Variants in PADI6 observed in about 807,000 individuals in gnomAD.
The protein encoded by PADI6 is peptidyl arginine deiminase 6.
Under a neutral mutation model 78.2 loss-of-function variants are expected in PADI6, and 66 were observed. That is an observed-to-expected ratio of 0.84 (90% CI 0.69 to 1.04). PADI6 has a LOEUF of 1.04. Among genes scored for constraint, PADI6 ranks in the 50% least tolerant of loss-of-function variants. PADI6 has a pLI of 0.00. For missense variants in PADI6, 854 were observed against 866.1 expected (o/e 0.99, Z 0.18); for synonymous variants, 397 against 346.9 (o/e 1.14, Z -1.60).
rs1224660551 is a variant in PADI6 at position 17,395,456 on chromosome 1, G to A, written c.1495-84G>A. On this transcript the variant is annotated intron_variant, in intron 12 of 15. Coordinates refer to ENST00000619609, the MANE Select transcript of PADI6 (RefSeq NM_207421.4). ...TGACCTCAGAGGATCTGCCTGCCTCGGCCTCCAAAGTGCTGGGATTACAGA... is the reference window on the plus strand; with the variant it reads ...TGACCTCAGAGGATCTGCCTGCCTCAGCCTCCAAAGTGCTGGGATTACAGA... The A allele has an allele frequency of 2.2e-5, 33 of 1,484,020 alleles. No homozygotes were observed. In the Admixed American group the frequency reaches 4.9e-4, roughly 22 times the overall value. The allele number at this position is 1,484,020 out of a possible 1,614,324, so 91.9% of individuals were successfully genotyped here. A position where few individuals can be genotyped will look rare whatever the true frequency, so the allele number is the denominator to read the frequency against.
At chr1:17,387,464 G>T (rs868651982) in intron 6 of PADI6, among the ~76,000 whole-genome samples, 3 of 151,406 alleles carry the variant, frequency 2.0e-5, no homozygotes, top group Admixed American at 2.0e-4. Context: ...AAGGAGGGGG[G>T]GGGGCCAGGC....
At chr1:17,376,678 G>A (rs567310091) in intron 3 of PADI6, among the ~76,000 whole-genome samples, 8 of 152,018 alleles carry the variant, frequency 5.3e-5, no homozygotes, top group Non-Finnish European at 1.0e-4. Context: ...GATTACAGGC[G>A]TGAGCCACTG....
intron 5 of PADI6, among the ~76,000 whole-genome samples, chr1:17,381,676 G>A (rs1016290345): frequency 1.3e-5 from 2 of 152,204 alleles, no homozygotes; most frequent in South Asian, 2.1e-4. Context: ...AACAAGACTG[G>A]AAACAAGGTG....
chr1:17,394,106 C>T, intron 10 of PADI6, 24 bp downstream of exon 10: 1 of 1,603,904 alleles, frequency 6.2e-7, no homozygotes. Flanking sequence ...TTTGGCTAAT[C>T]TGAGCTCAGT....
chr1:17,385,733 ATCG>A (rs5772756), intron 6 of PADI6, among the ~76,000 whole-genome samples: 39,204 of 151,962 alleles, frequency 0.26, 5,160 homozygotes, highest in Middle Eastern at 0.38. Context: ...AGAGGATGAC[ATCG>A]TCGTCCCCAA....
At position 17,397,104 on chromosome 1, in the gene PADI6, C is replaced by T. The variant is rs761752240; in HGVS notation, c.1652C>T (p.Ala551Val). The T allele has an allele frequency of 1.4e-5, 22 of 1,613,890 alleles. No homozygotes were observed. Among genetic ancestry groups the T allele is most frequent in the Non-Finnish European group, 1.7e-5 (20 of 1,179,864 alleles). The change falls in exon 14 of 16, where the codon GCT becomes GTT. Residue 551 changes from alanine to valine, a missense_variant. Transcript: ENST00000619609. ...REAKTIDQLL[A>V]DESLKKQNEY... ...GCCAAAACCATCGACCAACTTCTGG[C>T]TGATGAAAGCCTGAAGAAGCAGAAT... is the stretch of plus-strand genomic sequence containing the variant.
intron 2 of PADI6, among the ~76,000 whole-genome samples, chr1:17,374,127 C>A (rs1171750007): frequency 1.3e-5 from 2 of 152,256 alleles, no homozygotes; most frequent in Admixed American, 6.5e-5. Flanking sequence ...TGGTTTAAAG[C>A]TCTCCAGGTG....
chr1:17,398,682 A>ACCCACCCACCCACCCC lies in PADI6; in HGVS notation c.1690-3_1690-2insCCACCCACCCACCCCC, dbSNP rs2075271910. 1 of 113,890 alleles carries ACCCACCCACCCACCCC rather than the reference A, an allele frequency of 8.8e-6. No individual in the cohort carries two copies. The allele number at this position is 113,890 out of a possible 1,614,324, so 7.1% of individuals were successfully genotyped here. ...CCCCCCCCCACCCACCCACCCACCC[A>ACCCACCCACCCACCCC]CAGAAGTGCATTCACCTGAACCGTG... On this transcript the variant is annotated splice_polypyrimidine_tract_variant and splice_region_variant and intron_variant, in intron 14 of 15. Coordinates refer to ENST00000619609, the MANE Select transcript of PADI6 (RefSeq NM_207421.4).
At chr1:17,393,095 T>G (rs1337271413) in intron 9 of PADI6, among the ~76,000 whole-genome samples, 3 of 151,928 alleles carry the variant, frequency 2.0e-5, no homozygotes, top group African/African-American at 7.3e-5. Context: ...GCAGTGCACC[T>G]AGATCACGCC....
chr1:17,392,062 C>G, intron 8 of PADI6, 52 bp from the exon 9 acceptor site: 2 of 1,453,596 alleles, frequency 1.4e-6, no homozygotes, highest in Admixed American at 3.9e-5. Flanking sequence ...AGGTCATAAC[C>G]AGTAAGGGAC....
At position 17,393,814 on chromosome 1, in the gene PADI6, A is replaced by G. The variant is rs2075216416; in HGVS notation, c.1075-161A>G. ...CTTAAACCTGAAGAGTAGGGGAGAGAGGGATCGGAGAGCCTTCAAGAAGGG... is the reference window on the plus strand; with the variant it reads ...CTTAAACCTGAAGAGTAGGGGAGAGGGGGATCGGAGAGCCTTCAAGAAGGG... On this transcript the variant is annotated intron_variant, in intron 9 of 15. Transcript: ENST00000619609. Among the ~76,000 whole-genome samples, 3 of 152,196 alleles carry G rather than the reference A, an allele frequency of 2.0e-5. No individual in the cohort carries two copies. In the South Asian group the frequency reaches 6.2e-4, roughly 32 times the overall value.
chr1:17,378,954 TTG>T (rs1491372414), intron 3 of PADI6, among the ~76,000 whole-genome samples: 3,990 of 131,832 alleles, frequency 0.03, 173 homozygotes, highest in African/African-American at 0.11. Context: ...TGAATTTTTT[TTG>T]GGGGGGGGGA....
Position 17,393,961 on chromosome 1 carries a change from C to T in PADI6, c.1075-14C>T, listed in dbSNP as rs1327649302. The T allele has an allele frequency of 5.0e-6, 8 of 1,608,706 alleles. No homozygotes were observed. The highest frequency in any genetic ancestry group is 2.2e-5 in the East Asian group (1 of 44,840). On this transcript the variant is annotated splice_polypyrimidine_tract_variant and intron_variant, in intron 9 of 15. Transcript: ENST00000619609. Reference sequence around the variant, plus strand: ...GTGTGACTGGCAAACAATCTGTCTTCCTCTCCATTCCAGGATGAGATGGCC... The same window carrying T: ...GTGTGACTGGCAAACAATCTGTCTTTCTCTCCATTCCAGGATGAGATGGCC...
chr1:17,391,217 AATTT>A (rs1044484723), intron 8 of PADI6, among the ~76,000 whole-genome samples: 1 of 151,660 alleles, frequency 6.6e-6, no homozygotes, highest in Admixed American at 6.6e-5. Context: ...TGTTTAAGAT[AATTT>A]ATTATTTTTT....
chr1:17,389,474 C>A (rs143697950), intron 8 of PADI6, among the ~76,000 whole-genome samples: 1 of 152,134 alleles, frequency 6.6e-6, no homozygotes, highest in Non-Finnish European at 1.5e-5. Context: ...GTGCACACAT[C>A]CTAGGTCCAG....
At chr1:17,385,292 G>A (rs1299736463) in intron 6 of PADI6, among the ~76,000 whole-genome samples, 2 of 152,208 alleles carry the variant, frequency 1.3e-5, no homozygotes, top group Admixed American at 1.3e-4. Flanking sequence ...GTGCAAGAGT[G>A]AGCTTTAAAG....
intron 3 of PADI6, among the ~76,000 whole-genome samples, chr1:17,379,405 C>T (rs1200360178): frequency 3.3e-5 from 5 of 151,962 alleles, no homozygotes; most frequent in South Asian, 4.1e-4. Flanking sequence ...TGAGCCATCG[C>T]GCCCGGCCGC....
Position 17,381,970 on chromosome 1 carries a change from T to C in PADI6, c.557T>C (p.Ile186Thr). 3 of 1,613,806 alleles carry C rather than the reference T, an allele frequency of 1.9e-6. No homozygotes were observed. The highest frequency in any genetic ancestry group is 2.5e-6 in the Non-Finnish European group (3 of 1,179,778). ...KTKKVIFSEE[I>T]TNLSQMTLNV... is the part of the protein sequence containing the mutation. ...CTTTGCTTTGTCTTTTGCCCAGAAA[T>C]AACGAATCTGTCCCAGATGACTCTG... The change falls in exon 6 of 16, where the codon ATA becomes ACA. Residue 186 changes from isoleucine (I) to threonine (T), a missense_variant. Ile to Thr is a moderately conservative substitution (Grantham distance 89, BLOSUM62 -1). Transcript: ENST00000619609.
chr1:17,394,514 C>T (rs1431951643), intron 11 of PADI6, 60 bp downstream of exon 11: 2 of 1,547,962 alleles, frequency 1.3e-6, no homozygotes, highest in Admixed American at 3.7e-5. Flanking sequence ...GTTCCCCTGG[C>T]CCCGCCTGCT....
Sources: gnomAD v4.1 joint callset for allele counts (sites outside exome capture counted in the v4.1 genomes callset) on GRCh38, gnomAD v4.1.1 for gene constraint, MANE v1.5 for transcripts, NCBI Gene and HGNC (gene_info 2026-07-23, HGNC 2026-07-21) for gene names.